The following MACROD2 variants were observed in gnomAD, a reference collection of about 807,000 sequenced individuals.
MACROD2 encodes mono-ADP ribosylhydrolase 2.
Under a neutral mutation model 70.4 loss-of-function variants are expected in MACROD2, and 36 were observed. The observed-to-expected ratio is 0.51, with a 90% CI of 0.39 to 0.68. The LOEUF (loss-of-function observed/expected upper bound fraction) is 0.68. Among genes scored for constraint, MACROD2 ranks in the 30% least tolerant of loss-of-function variants. The pLI is 0.00. For missense variants in MACROD2, 496 were observed against 538.4 expected (o/e 0.92, Z 0.78); for synonymous variants, 172 against 178.8 (o/e 0.96, Z 0.30).
intron 10 of MACROD2, among the ~76,000 whole-genome samples, chr20:15,915,126 G>T (rs975758700): frequency 7.9e-5 from 12 of 152,018 alleles, no homozygotes; most frequent in Non-Finnish European, 1.5e-4. Flanking sequence ...TTCTATGGAG[G>T]TTCCGTGACA....
At chr20:15,268,082 A>C (rs2077312726) in intron 6 of MACROD2, among the ~76,000 whole-genome samples, 1 of 152,208 alleles carries the variant, frequency 6.6e-6, no homozygotes, top group South Asian at 2.1e-4. Context: ...AAAGTTAGTG[A>C]GTGAAATCAG....
intron 7 of MACROD2, among the ~76,000 whole-genome samples, chr20:15,479,955 A>G (rs1291818435): frequency 6.6e-6 from 1 of 152,264 alleles, no homozygotes; most frequent in Non-Finnish European, 1.5e-5. Flanking sequence ...TTTTGTGGCT[A>G]AAATATTTGA....
chr20:15,992,781 C>T (rs982928596), intron 15 of MACROD2, among the ~76,000 whole-genome samples: 1 of 152,156 alleles, frequency 6.6e-6, no homozygotes, highest in Non-Finnish European at 1.5e-5. Flanking sequence ...CTTATCAAAC[C>T]ACGTGGTTTA....
At chr20:14,668,524 G>A (rs1410199933) in intron 4 of MACROD2, among the ~76,000 whole-genome samples, 1 of 152,062 alleles carries the variant, frequency 6.6e-6, no homozygotes. Flanking sequence ...CTTTTGATTC[G>A]GATTGGGATC....
At chr20:15,185,735 A>G (rs1464420163) in intron 5 of MACROD2, among the ~76,000 whole-genome samples, 1 of 152,228 alleles carries the variant, frequency 6.6e-6, no homozygotes, top group African/African-American at 2.4e-5. Flanking sequence ...CTCAGTTTCT[A>G]AACTATGAAC....
At chr20:14,663,814 T>A (rs145858739) in intron 4 of MACROD2, among the ~76,000 whole-genome samples, 11 of 152,216 alleles carry the variant, frequency 7.2e-5, no homozygotes, top group Non-Finnish European at 1.6e-4. Flanking sequence ...GCTTTACAGT[T>A]AAACTATTTG....
At chr20:14,257,798 C>A (rs945749659) in intron 3 of MACROD2, among the ~76,000 whole-genome samples, 6 of 152,176 alleles carry the variant, frequency 3.9e-5, no homozygotes, top group African/African-American at 1.2e-4. Flanking sequence ...TGGATAAGTT[C>A]TTTAGTGGTA....
intron 5 of MACROD2, among the ~76,000 whole-genome samples, chr20:15,206,737 T>G (rs1435058939): frequency 2.5e-5 from 2 of 80,250 alleles, no homozygotes; most frequent in Non-Finnish European, 4.9e-5. Context: ...TTTTTTTTTT[T>G]TTTTTTTTTT....
chr20:15,808,746 G>A (rs2063791658), intron 8 of MACROD2, among the ~76,000 whole-genome samples: 1 of 152,070 alleles, frequency 6.6e-6, no homozygotes, highest in Non-Finnish European at 1.5e-5. Flanking sequence ...AAGCATCTTT[G>A]TGACATTTCA....
chr20:15,163,304 G>GAA (rs11428226), intron 5 of MACROD2, among the ~76,000 whole-genome samples: 15 of 149,430 alleles, frequency 1.0e-4, no homozygotes, highest in Non-Finnish European at 1.3e-4. Context: ...AACTATTCAG[G>GAA]AAAAAAAAAG....
At chr20:15,074,641 G>T (rs953159154) in intron 5 of MACROD2, among the ~76,000 whole-genome samples, 13 of 152,258 alleles carry the variant, frequency 8.5e-5, no homozygotes, top group Admixed American at 8.5e-4. Context: ...TCTCCAGGTA[G>T]AAAGTATCAG....
At chr20:15,211,352 T>C (rs1601235024) in intron 5 of MACROD2, among the ~76,000 whole-genome samples, 1 of 152,224 alleles carries the variant, frequency 6.6e-6, no homozygotes, top group African/African-American at 2.4e-5. Flanking sequence ...TTGATGGACA[T>C]TGAGTTGTTT....
rs538164304 is a variant in MACROD2, at chr20:15,879,424, A to G, written c.728-6340A>G. 1.3e-4 allele frequency among the ~76,000 whole-genome samples: 20 copies of G among 152,264 alleles called. No homozygotes were observed. In the South Asian group the frequency reaches 4.1e-3, roughly 32 times the overall value. ...CTCAAGCAAGCACATTACATAGAAT[A>G]ATGTTGAACTAAAGTAGATTTCATT... is the stretch of plus-strand genomic sequence containing the variant. On this transcript the variant is annotated intron_variant, in intron 9 of 17. Transcript: ENST00000684519.
chr20:14,275,168 G>A (rs1169667685), intron 3 of MACROD2, among the ~76,000 whole-genome samples: 7 of 152,102 alleles, frequency 4.6e-5, no homozygotes, highest in South Asian at 2.1e-4. Context: ...AGCCCGCATC[G>A]CCAAGTCAAT....
chr20:15,519,787 G>C (rs2047626450), intron 8 of MACROD2, among the ~76,000 whole-genome samples: 1 of 152,212 alleles, frequency 6.6e-6, no homozygotes, highest in South Asian at 2.1e-4. Context: ...ATCTCCCTCT[G>C]TCCACTCTCT....
chr20:15,820,280 T>G (rs2147101467), intron 8 of MACROD2, among the ~76,000 whole-genome samples: 1 of 152,154 alleles, frequency 6.6e-6, no homozygotes, highest in African/African-American at 2.4e-5. Context: ...AGCCTCAACC[T>G]CCCAGGCTCG....
At chr20:14,826,743 C>T (rs1428632380) in intron 5 of MACROD2, among the ~76,000 whole-genome samples, 1 of 152,124 alleles carries the variant, frequency 6.6e-6, no homozygotes, top group Non-Finnish European at 1.5e-5. Context: ...CTGTACCCTC[C>T]AGTCGAAGTA....
intron 8 of MACROD2, among the ~76,000 whole-genome samples, chr20:15,642,283 G>A (rs1009888301): frequency 9.9e-5 from 15 of 152,124 alleles, no homozygotes; most frequent in African/African-American, 2.7e-4. Context: ...AGATAGTATC[G>A]TAGAAAAACA....
At chr20:15,494,737 G>A (rs1169147185) in intron 7 of MACROD2, among the ~76,000 whole-genome samples, 3 of 48,006 alleles carry the variant, frequency 6.2e-5, no homozygotes, top group African/African-American at 1.7e-4. Flanking sequence ...GCATAATGGG[G>A]TGTGTGTGTG....
Sources: allele counts gnomAD v4.1 joint callset (sites outside exome capture counted in the v4.1 genomes callset), GRCh38; gene constraint gnomAD v4.1.1; transcripts MANE v1.5; gene names NCBI Gene and HGNC (gene_info 2026-07-23, HGNC 2026-07-21).